Variants in MAML2 observed in about 807,000 individuals in gnomAD.
The protein encoded by MAML2 is mastermind like transcriptional coactivator 2.
A neutral mutation model predicts 96.1 loss-of-function variants in MAML2; 22 were observed. That is an observed-to-expected ratio of 0.23 (90% CI 0.16 to 0.33). MAML2 has a LOEUF of 0.33. Ranked by LOEUF, MAML2 falls within the 10% of genes least tolerant of loss-of-function variation. MAML2 has a pLI of 1.00. For synonymous variants in MAML2, 561 were observed against 521.3 expected, an observed-to-expected ratio of 1.08 and a Z score of -1.04; for missense variants, 1,367 against 1,392.4, an observed-to-expected ratio of 0.98 and a Z score of 0.29.
At chr11:95,985,233 G>A (rs1857807123) in intron 4 of MAML2, among the ~76,000 whole-genome samples, 2 of 152,162 alleles carry the variant, frequency 1.3e-5, no homozygotes, top group Non-Finnish European at 2.9e-5. Context: ...TACTACCTGG[G>A]TTAAGGTATA....
At chr11:96,200,375 G>A (rs1331403791) in intron 1 of MAML2, among the ~76,000 whole-genome samples, 1 of 152,174 alleles carries the variant, frequency 6.6e-6, no homozygotes, top group Non-Finnish European at 1.5e-5. Flanking sequence ...CATTTCTTGA[G>A]TCAGATCTCA....
chr11:96,135,001 T>C (rs1156654403), intron 1 of MAML2, among the ~76,000 whole-genome samples: 2 of 152,240 alleles, frequency 1.3e-5, no homozygotes, highest in East Asian at 3.8e-4. Context: ...TGCCTGGTAT[T>C]GCACTAGCAA....
intron 1 of MAML2, among the ~76,000 whole-genome samples, chr11:96,330,295 TTTG>T (rs2136017137): frequency 6.6e-6 from 1 of 152,282 alleles, no homozygotes; most frequent in East Asian, 1.9e-4. Context: ...AGGAAAACTG[TTTG>T]TTAAGCTGTG....
At chr11:96,171,633 A>AC (rs1449636095) in intron 1 of MAML2, among the ~76,000 whole-genome samples, 3 of 152,382 alleles carry the variant, frequency 2.0e-5, no homozygotes, top group African/African-American at 7.2e-5. Flanking sequence ...AACAGGTACC[A>AC]CCCAAAGTTA....
At chr11:96,115,305 A>T (rs762973089) in intron 1 of MAML2, among the ~76,000 whole-genome samples, 2 of 151,970 alleles carry the variant, frequency 1.3e-5, no homozygotes, top group Non-Finnish European at 2.9e-5. Flanking sequence ...CTGGGACTAC[A>T]GGTGTGTACC....
At chr11:96,309,966 G>T (rs1333477631) in intron 1 of MAML2, among the ~76,000 whole-genome samples, 1 of 152,118 alleles carries the variant, frequency 6.6e-6, no homozygotes, top group Non-Finnish European at 1.5e-5. Context: ...GCCTTCAGAA[G>T]TGATTGGATT....
chr11:96,270,265 A>G (rs190119994), intron 1 of MAML2, among the ~76,000 whole-genome samples: 2 of 152,318 alleles, frequency 1.3e-5, no homozygotes, highest in Admixed American at 1.3e-4. Flanking sequence ...GATATCCAGT[A>G]TCCAACAAAT....
intron 1 of MAML2, among the ~76,000 whole-genome samples, chr11:96,188,735 T>C (rs974314725): frequency 2.0e-5 from 3 of 151,796 alleles, no homozygotes; most frequent in Non-Finnish European, 4.4e-5. Context: ...AGTGAAATTG[T>C]GTGTGGGAGG....
Position 96,341,850 on chromosome 11 carries a change from C to T in MAML2, c.46G>A (p.Gly16Arg). ...CCAAGGAGCCCCGCCCCAGAGGCCC[C>T]CCCTAGCCCTCCTGCGGGGGCCTGC... ...PPQAPAGGLG[G>R]ASGAGLLGGG... The change falls in exon 1 of 5, where the codon GGG becomes AGG. Residue 16 changes from glycine (G) to arginine (R), a missense_variant. Gly to Arg is a moderately radical substitution (Grantham distance 125). Transcript: ENST00000524717. The T allele has an allele frequency of 1.9e-6, 3 of 1,561,532 alleles. No homozygotes were observed. The highest frequency in any genetic ancestry group is 1.4e-5 in the African/African-American group (1 of 73,956).
chr11:96,140,263 C>T (rs1338396523), intron 1 of MAML2, among the ~76,000 whole-genome samples: 2 of 152,212 alleles, frequency 1.3e-5, no homozygotes, highest in African/African-American at 2.4e-5. Flanking sequence ...TCATTTTCAC[C>T]TTCTTGCTTT....
chr11:96,253,970 A>C (rs1306522422), intron 1 of MAML2, among the ~76,000 whole-genome samples: 1 of 152,220 alleles, frequency 6.6e-6, no homozygotes, highest in Non-Finnish European at 1.5e-5. Flanking sequence ...TAAGGAAGTG[A>C]TGAGAAGTCT....
At chr11:96,048,697 T>C (rs1269685817) in intron 2 of MAML2, among the ~76,000 whole-genome samples, 1 of 152,218 alleles carries the variant, frequency 6.6e-6, no homozygotes, top group Admixed American at 6.5e-5. Flanking sequence ...AGTCTTTCTT[T>C]TTTTTTCCTT....
intron 1 of MAML2, among the ~76,000 whole-genome samples, chr11:96,243,047 C>CACACAT (rs1862458188): frequency 6.6e-6 from 1 of 150,744 alleles, no homozygotes; most frequent in Non-Finnish European, 1.5e-5. Context: ...CACACACACA[C>CACACAT]ACACATACAC....
intron 1 of MAML2, among the ~76,000 whole-genome samples, chr11:96,302,535 G>T (rs1684803236): frequency 6.6e-6 from 1 of 152,288 alleles, no homozygotes; most frequent in East Asian, 1.9e-4. Flanking sequence ...ACTCCTGGAG[G>T]TTGGGGAGAA....
intron 1 of MAML2, among the ~76,000 whole-genome samples, chr11:96,131,426 A>G (rs1161911455): frequency 1.3e-5 from 2 of 152,242 alleles, no homozygotes; most frequent in African/African-American, 4.8e-5. Context: ...TAAACCAAGT[A>G]GAGCTGACAT....
chr11:96,331,733 A>T (rs953677345), intron 1 of MAML2, among the ~76,000 whole-genome samples: 3 of 150,832 alleles, frequency 2.0e-5, no homozygotes, highest in African/African-American at 4.9e-5. Context: ...CAGGGGAATC[A>T]CGCGAACCCA....
At chr11:96,017,509 T>C (rs987305776) in intron 2 of MAML2, among the ~76,000 whole-genome samples, 2 of 151,466 alleles carry the variant, frequency 1.3e-5, no homozygotes, top group Admixed American at 6.6e-5. Context: ...CTGGCCCTCA[T>C]GAAACCAACA....
intron 1 of MAML2, among the ~76,000 whole-genome samples, chr11:96,108,107 G>A (rs1860055308): frequency 6.6e-6 from 1 of 152,210 alleles, no homozygotes; most frequent in Admixed American, 6.5e-5. Flanking sequence ...TGAAGTGAGA[G>A]GGAGTCTTAT....
chr11:96,145,811 C>G (rs1354592805), intron 1 of MAML2, among the ~76,000 whole-genome samples: 1 of 152,178 alleles, frequency 6.6e-6, no homozygotes, highest in East Asian at 1.9e-4. Context: ...AGTTCGAGAC[C>G]AGCCTGGCCA....
Sources: gnomAD v4.1 joint callset for allele counts (sites outside exome capture counted in the v4.1 genomes callset) on GRCh38, gnomAD v4.1.1 for gene constraint, MANE v1.5 for transcripts, NCBI Gene and HGNC (gene_info 2026-07-23, HGNC 2026-07-21) for gene names.